Variants in CARMIL1 observed in about 807,000 individuals in gnomAD.
The protein encoded by CARMIL1 is capping protein regulator and myosin 1 linker 1.
Under a neutral mutation model 177.1 loss-of-function variants are expected in CARMIL1, and 90 were observed. That is an observed-to-expected ratio of 0.51 (90% CI 0.43 to 0.61). The LOEUF is 0.61. CARMIL1 is among the 20% of genes least tolerant of loss of function. CARMIL1 has a pLI of 0.00. For missense variants in CARMIL1, 1,380 were observed against 1,667.0 expected (o/e 0.83, Z 3.00); for synonymous variants, 577 against 606.2 (o/e 0.95, Z 0.71).
At chr6:25,538,869 T>G (rs1044863513) in intron 25 of CARMIL1, among the ~76,000 whole-genome samples, 2 of 152,036 alleles carry the variant, frequency 1.3e-5, no homozygotes, top group Admixed American at 6.5e-5. Flanking sequence ...GGGCTGGAGA[T>G]TGAATGGACA....
rs1251524152 is a variant in CARMIL1, at chr6:25,515,767, A to C, written c.1725A>C (p.Lys575Asn). The change falls in exon 21 of 37, where the codon AAA becomes AAC. Residue 575 changes from lysine (K) to asparagine (N), a missense_variant. By Grantham distance (94) the Lys-to-Asn change is moderately conservative. Transcript: ENST00000329474. The surrounding 1 kb of genome is among the most constrained non-coding windows in gnomAD (Gnocchi z 5.0). ...NALGSNTSLT[K>N]VDISGNGMGD... ...TGGGAAGCAACACCTCCCTGACCAA[A>C]GTGGACATTAGCGGCAACGGAATGG... 1.2e-6 allele frequency: 2 copies of C among 1,612,168 alleles called. No homozygotes were observed. Among genetic ancestry groups the C allele is most frequent in the East Asian group, 2.2e-5 (1 of 44,820 alleles).
intron 2 of CARMIL1, among the ~76,000 whole-genome samples, chr6:25,374,056 T>G (rs1790735667): frequency 6.6e-6 from 1 of 152,202 alleles, no homozygotes; most frequent in Admixed American, 6.5e-5. Flanking sequence ...CTTTGTTATT[T>G]CTTTCATTCT....
At chr6:25,435,422 A>G (rs1250395298) in intron 4 of CARMIL1, 61 bp from the exon 5 acceptor site, 1 of 1,509,084 alleles carries the variant, frequency 6.6e-7, no homozygotes, top group African/African-American at 1.4e-5. Context: ...CAATATTTAA[A>G]ATAATTAAAA....
In CARMIL1 at chr6:25,403,424, C is replaced by T. The variant is rs145278561; in HGVS notation, c.139-16690C>T. On this transcript the variant is annotated intron_variant, in intron 2 of 36. Coordinates refer to ENST00000329474, the MANE Select transcript of CARMIL1 (RefSeq NM_017640.6). ...TCCTTCTCTCACCCAACATGGCAGT[C>T]AGAGATTGGCCTTCAGGGCAATTAT... Among the ~76,000 whole-genome samples the T allele has an allele frequency of 3.3e-5, 5 of 152,242 alleles. No homozygotes were observed. In the East Asian group the frequency reaches 7.7e-4, roughly 24 times the overall value.
chr6:25,430,305 A>G (rs994990671), intron 4 of CARMIL1, among the ~76,000 whole-genome samples: 8 of 149,576 alleles, frequency 5.3e-5, no homozygotes, highest in African/African-American at 1.7e-4. Flanking sequence ...TATTTCTCCT[A>G]TATAGAGGAG....
At chr6:25,321,740 C>T (rs1311383985) in intron 2 of CARMIL1, among the ~76,000 whole-genome samples, 6 of 151,918 alleles carry the variant, frequency 3.9e-5, no homozygotes, top group African/African-American at 1.5e-4. Context: ...CTCACTGCAA[C>T]CTCCGCCTCC....
chr6:25,476,829 G>A (rs1003415871), intron 11 of CARMIL1, among the ~76,000 whole-genome samples: 3 of 152,054 alleles, frequency 2.0e-5, no homozygotes, highest in African/African-American at 4.8e-5. Flanking sequence ...GGTGGCTCAC[G>A]ACTGTAATCC....
At chr6:25,282,687 T>C (rs1474705570) in intron 1 of CARMIL1, among the ~76,000 whole-genome samples, 1 of 152,238 alleles carries the variant, frequency 6.6e-6, no homozygotes. Flanking sequence ...TTCTATTTTC[T>C]TCTTTCATCT....
intron 2 of CARMIL1, among the ~76,000 whole-genome samples, chr6:25,296,410 G>A (rs970496607): frequency 7.9e-5 from 12 of 152,290 alleles, no homozygotes; most frequent in Admixed American, 7.8e-4. Flanking sequence ...GTACTATGTT[G>A]CTTGTGGCTG....
intron 11 of CARMIL1, among the ~76,000 whole-genome samples, chr6:25,476,106 G>A (rs1472643946): frequency 6.6e-6 from 1 of 152,156 alleles, no homozygotes; most frequent in African/African-American, 2.4e-5. Context: ...CAATCTTAAT[G>A]CTCTTGTATA....
At position 25,595,977 on chromosome 6, in the gene CARMIL1, T is replaced by G. The variant is rs113755253; in HGVS notation, c.3119+1450T>G. 3.0e-3 allele frequency among the ~76,000 whole-genome samples: 450 copies of G among 152,308 alleles called. 3 individuals carry two copies. The highest frequency in any genetic ancestry group is 9.5e-3 in the African/African-American group (396 of 41,568). ...TGAATGGAGAAAATCTCGACTCATC[T>G]CCATGTGATTTACAGATACTATTGT... On this transcript the variant is annotated intron_variant, in intron 32 of 36. Coordinates refer to ENST00000329474, the MANE Select transcript of CARMIL1 (RefSeq NM_017640.6).
chr6:25,562,393 G>A (rs773728949), intron 29 of CARMIL1, among the ~76,000 whole-genome samples: 12 of 151,982 alleles, frequency 7.9e-5, no homozygotes, highest in East Asian at 5.8e-4. Context: ...GATTACAGGC[G>A]CCTGCCACCG....
At chr6:25,498,719 G>A (rs963676025) in intron 16 of CARMIL1, among the ~76,000 whole-genome samples, 9 of 152,190 alleles carry the variant, frequency 5.9e-5, no homozygotes, top group African/African-American at 1.9e-4. Flanking sequence ...GAAAAGTGAT[G>A]TTCTTAAGGT....
rs146514674 is a variant in CARMIL1 at position 25,468,958 on chromosome 6, T to C, written c.691-2211T>C. Among the ~76,000 whole-genome samples, 488 of 152,348 alleles carry C rather than the reference T, an allele frequency of 3.2e-3. 4 individuals carry two copies. Among genetic ancestry groups the C allele is most frequent in the African/African-American group, 0.01 (428 of 41,592 alleles). ...TATTTCTGGTTATTAGGATAATCGC[T>C]GCAAAAACATTATCTAAGTAATCAC... On this transcript the variant is annotated intron_variant, in intron 9 of 36. Transcript: ENST00000329474.
chr6:25,298,420 C>T (rs1782597769), intron 2 of CARMIL1, among the ~76,000 whole-genome samples: 1 of 152,140 alleles, frequency 6.6e-6, no homozygotes, highest in South Asian at 2.1e-4. Context: ...AATGTTTTTT[C>T]ACTCTGCTGT....
At chr6:25,595,459 A>T (rs1018899441) in intron 32 of CARMIL1, among the ~76,000 whole-genome samples, 10 of 152,110 alleles carry the variant, frequency 6.6e-5, no homozygotes, top group Non-Finnish European at 1.3e-4. Context: ...GAATCTTATA[A>T]CCTTTAGGAC....
At chr6:25,543,810 G>A (rs1189529920) in intron 26 of CARMIL1, among the ~76,000 whole-genome samples, 1 of 152,110 alleles carries the variant, frequency 6.6e-6, no homozygotes, top group Non-Finnish European at 1.5e-5. Context: ...GGGCATTTTA[G>A]TGTGGAAGTT....
intron 2 of CARMIL1, among the ~76,000 whole-genome samples, chr6:25,349,846 A>G (rs925353881): frequency 2.0e-5 from 3 of 150,426 alleles, no homozygotes; most frequent in Non-Finnish European, 4.4e-5. Flanking sequence ...CTCCTGCCTC[A>G]GGCTCCCGAG....
chr6:25,378,621 G>A (rs1791243145), intron 2 of CARMIL1, among the ~76,000 whole-genome samples: 1 of 152,050 alleles, frequency 6.6e-6, no homozygotes, highest in South Asian at 2.1e-4. Flanking sequence ...TACTCCCCAC[G>A]GCTCACTGAA....
Sources: gnomAD v4.1 joint callset for allele counts (sites outside exome capture counted in the v4.1 genomes callset) on GRCh38, gnomAD v4.1.1 for gene constraint, Gnocchi (gnomAD v3.1) non-coding constraint, MANE v1.5 for transcripts, NCBI Gene and HGNC (gene_info 2026-07-23, HGNC 2026-07-21) for gene names.